Variants in MUCL1 observed in about 807,000 individuals in gnomAD.
MUCL1 encodes the protein mucin like 1.
A neutral mutation model predicts 9.2 loss-of-function variants in MUCL1; 11 were observed. The observed-to-expected ratio is 1.19, with a 90% CI of 0.75 to 1.97. The LOEUF (loss-of-function observed/expected upper bound fraction) is 1.97. MUCL1 is among the 30% of genes most tolerant of loss of function. The pLI, the probability that MUCL1 is intolerant of heterozygous loss-of-function variation, is 0.00. For missense variants in MUCL1, 144 were observed against 110.9 expected (o/e 1.30, Z -1.34); for synonymous variants, 48 against 40.5 (o/e 1.19, Z -0.71).
Position 54,833,617 on chromosome 12 carries a change from T to C in MUCL1, n.357+2742T>C, listed in dbSNP as rs117347383. Among the ~76,000 whole-genome samples the C allele has an allele frequency of 5.9e-3, 900 of 152,276 alleles. 10 individuals are homozygous for C. The highest frequency in any genetic ancestry group is 6.6e-3 in the Non-Finnish European group (448 of 68,018). ...GGATTATCTTTTTCTAAGGAATTTA[T>C]ACACCATGGAATACTATGCAGCCAT... On this transcript the variant is annotated intron_variant and non_coding_transcript_variant, in intron 1 of 3. Coordinates refer to the MUCL1 transcript ENST00000547990.
chr12:54,841,469 A>T (rs1162866303), intron 1 of MUCL1, among the ~76,000 whole-genome samples: 2 of 152,190 alleles, frequency 1.3e-5, no homozygotes, highest in African/African-American at 2.4e-5. Flanking sequence ...AACAGTATAC[A>T]AATGTTCCTT....
chr12:54,857,206 T>C (rs1199899185), intron 3 of MUCL1, among the ~76,000 whole-genome samples: 1 of 151,298 alleles, frequency 6.6e-6, no homozygotes, highest in Non-Finnish European at 1.5e-5. Context: ...TAACTGCTTA[T>C]TATTATTATT....
chr12:54,849,533 C>T (rs149090103), upstream of MUCL1, among the ~76,000 whole-genome samples: 63 of 152,014 alleles, frequency 4.1e-4, no homozygotes, highest in African/African-American at 1.4e-3. Context: ...CATTGAATTT[C>T]ACTCTTAAAA....
chr12:54,830,833 GA>G (rs139147957), exon 1 of MUCL1: 6,814 of 151,806 alleles, frequency 0.045, 177 homozygotes, highest in Middle Eastern at 0.11. Flanking sequence ...GCTGAAAACA[GA>G]AAAAAAACTT....
At chr12:54,843,428 G>A (rs1353546074) in intron 1 of MUCL1, among the ~76,000 whole-genome samples, 1 of 152,062 alleles carries the variant, frequency 6.6e-6, no homozygotes, top group East Asian at 1.9e-4. Context: ...AGAATATTGG[G>A]GCCCCAAAGA....
intron 1 of MUCL1, among the ~76,000 whole-genome samples, chr12:54,843,524 G>T (rs1959223176): frequency 6.6e-6 from 1 of 152,186 alleles, no homozygotes; most frequent in Non-Finnish European, 1.5e-5. Context: ...AGTTAAAGTT[G>T]TTAATTAGCT....
chr12:54,834,980 A>G (rs1243055587), upstream of MUCL1, among the ~76,000 whole-genome samples: 1 of 152,082 alleles, frequency 6.6e-6, no homozygotes, highest in South Asian at 2.1e-4. Flanking sequence ...GCTTCCAGTT[A>G]TAAGTGAGAA....
chr12:54,833,767 A>G (rs1265360869), intron 1 of MUCL1, among the ~76,000 whole-genome samples: 1 of 149,442 alleles, frequency 6.7e-6, no homozygotes, highest in Admixed American at 6.7e-5. Flanking sequence ...GGGGAATTGA[A>G]CAATGAGAAC....
At chr12:54,842,346 C>T (rs1959216343) in intron 1 of MUCL1, among the ~76,000 whole-genome samples, 1 of 151,994 alleles carries the variant, frequency 6.6e-6, no homozygotes. Context: ...AAAATGGCTA[C>T]AGTTAATTTT....
chr12:54,840,408 GTAT>G (rs1416587883), intron 1 of MUCL1, among the ~76,000 whole-genome samples: 1 of 152,208 alleles, frequency 6.6e-6, no homozygotes, highest in Admixed American at 6.5e-5. Flanking sequence ...CCAGAATGCT[GTAT>G]TATTCTGCCT....
chr12:54,857,652 T>C (rs557787393), intron 3 of MUCL1, among the ~76,000 whole-genome samples: 19 of 152,276 alleles, frequency 1.2e-4, no homozygotes, highest in Non-Finnish European at 2.5e-4. Flanking sequence ...AAACTTTCCT[T>C]TGAGCACACA....
At chr12:54,847,951 G>A (rs1565776880) in intron 1 of MUCL1, among the ~76,000 whole-genome samples, 1 of 151,670 alleles carries the variant, frequency 6.6e-6, no homozygotes, top group South Asian at 2.1e-4. Flanking sequence ...ATCACAGGAT[G>A]AGATCTTACC....
intron 1 of MUCL1, 41 bp downstream of exon 1, chr12:54,854,681 T>A (rs1868286233): frequency 3.2e-6 from 5 of 1,558,548 alleles, no homozygotes; most frequent in Non-Finnish European, 4.4e-6. Flanking sequence ...TTTGTGGGAA[T>A]ATACATAAAA....
At chr12:54,851,713 C>T (rs1959342335), upstream of MUCL1, among the ~76,000 whole-genome samples, 1 of 152,258 alleles carries the variant, frequency 6.6e-6, no homozygotes, top group South Asian at 2.1e-4. Flanking sequence ...AAGAGGAAGT[C>T]AAATTGTCCT....
intron 1 of MUCL1, among the ~76,000 whole-genome samples, chr12:54,846,722 A>G (rs1959262384): frequency 7.3e-6 from 1 of 136,892 alleles, no homozygotes; most frequent in Non-Finnish European, 1.6e-5. Context: ...ATAATGAATC[A>G]GGACACACAG....
At chr12:54,850,715 G>C (rs958126095), upstream of MUCL1, among the ~76,000 whole-genome samples, 2 of 152,158 alleles carry the variant, frequency 1.3e-5, no homozygotes, top group Non-Finnish European at 2.9e-5. Context: ...TCTAGTTCTA[G>C]ATCCTTGAGG....
chr12:54,845,541 C>A (rs192152179), intron 1 of MUCL1, among the ~76,000 whole-genome samples: 3 of 152,216 alleles, frequency 2.0e-5, no homozygotes, highest in Non-Finnish European at 4.4e-5. Context: ...GGTCCCCATT[C>A]TCAAACCAAG....
chr12:54,854,385 TG>T, upstream of MUCL1: 1 of 555,570 alleles, frequency 1.8e-6, no homozygotes, highest in Middle Eastern at 4.7e-4. Context: ...AAAGGGCCCC[TG>T]GCTGTGTTGT....
At chr12:54,846,239 C>A (rs902586858) in intron 1 of MUCL1, among the ~76,000 whole-genome samples, 2 of 152,154 alleles carry the variant, frequency 1.3e-5, no homozygotes, top group Non-Finnish European at 2.9e-5. Flanking sequence ...GTAACACACA[C>A]CCTCTTGGGC....
Sources: gnomAD v4.1 joint callset for allele counts (sites outside exome capture counted in the v4.1 genomes callset) on GRCh38, gnomAD v4.1.1 for gene constraint, MANE v1.5 for transcripts, NCBI Gene and HGNC (gene_info 2026-07-23, HGNC 2026-07-21) for gene names.